AGO1: variants seen among roughly 807,000 people sequenced by gnomAD.
AGO1 encodes the protein argonaute RISC component 1.
A neutral mutation model predicts 109.2 loss-of-function variants in AGO1; 11 were observed. That is an observed-to-expected ratio of 0.10 (90% CI 0.06 to 0.17). The LOEUF (loss-of-function observed/expected upper bound fraction) is 0.17. Ranked by LOEUF, AGO1 falls within the 10% of genes least tolerant of loss-of-function variation. AGO1 has a pLI of 1.00. For missense variants in AGO1, 574 were observed against 1,140.3 expected, an observed-to-expected ratio of 0.50 and a Z score of 7.15; for synonymous variants, 422 against 418.6, an observed-to-expected ratio of 1.01 and a Z score of -0.10.
At chr1:35,871,904 C>T (rs2148702287) in intron 1 of AGO1, among the ~76,000 whole-genome samples, 1 of 151,538 alleles carries the variant, frequency 6.6e-6, no homozygotes, top group Non-Finnish European at 1.5e-5. Flanking sequence ...CCCATCTCTA[C>T]TAAAAATACA....
At chr1:35,898,961 A>T (rs368975205) in intron 8 of AGO1, among the ~76,000 whole-genome samples, 1 of 152,210 alleles carries the variant, frequency 6.6e-6, no homozygotes, top group African/African-American at 2.4e-5. Context: ...CATTAAATAC[A>T]TTCATGCAGT....
Position 35,883,353 on chromosome 1 carries a change from G to C in AGO1, c.-69G>C, listed in dbSNP as rs1571337258. The C allele has an allele frequency of 6.4e-7, 1 of 1,568,382 alleles. No homozygotes were observed. Among genetic ancestry groups the C allele is most frequent in the East Asian group, 2.6e-5 (1 of 38,322 alleles). ...CGGGATCCCGAGCAGCGAGAGTGTG[G>C]GGTACCTAGGCCCCTCACGCTGGAC... On this transcript the variant is annotated 5_prime_UTR_variant, in exon 1 of 19. Coordinates refer to ENST00000373204, the MANE Select transcript of AGO1 (RefSeq NM_012199.5). This position sits in a 1 kb window ranked among gnomAD's most constrained non-coding sequence, Gnocchi z 5.4.
intron 11 of AGO1, among the ~76,000 whole-genome samples, chr1:35,906,637 C>T (rs752800150): frequency 6.6e-6 from 1 of 151,744 alleles, no homozygotes; most frequent in African/African-American, 2.4e-5. Flanking sequence ...AGTGAGATCC[C>T]ATCTCTACCA....
Position 35,888,855 on chromosome 1 carries a change from A to G in AGO1, c.209+245A>G, listed in dbSNP as rs1028480435. On this transcript the variant is annotated intron_variant, in intron 2 of 18. Coordinates refer to ENST00000373204, the MANE Select transcript of AGO1 (RefSeq NM_012199.5). The surrounding 1 kb of genome is among the most constrained non-coding windows in gnomAD (Gnocchi z 4.1). ...TAGTTGAGCTAGTTAATCTAACTACATTGAGTTAAGAAATAAGTACAGTAC... is the reference window on the plus strand; with the variant it reads ...TAGTTGAGCTAGTTAATCTAACTACGTTGAGTTAAGAAATAAGTACAGTAC... Among the ~76,000 whole-genome samples the G allele has an allele frequency of 6.6e-6, 1 of 152,254 alleles. No homozygotes were observed. The highest frequency in any genetic ancestry group is 2.4e-5 in the African/African-American group (1 of 41,468).
intron 11 of AGO1, among the ~76,000 whole-genome samples, chr1:35,902,596 T>G (rs1016204975): frequency 6.6e-6 from 1 of 152,244 alleles, no homozygotes; most frequent in Non-Finnish European, 1.5e-5. Context: ...ATTATTGTTA[T>G]AATTATTATC....
At chr1:35,894,481 T>C in intron 7 of AGO1, 79 bp downstream of exon 7, 8 of 1,289,204 alleles carry the variant, frequency 6.2e-6, no homozygotes, top group Non-Finnish European at 8.6e-6. Context: ...CCTCCCTCCC[T>C]CCCCCACTGG....
intron 1 of AGO1, among the ~76,000 whole-genome samples, chr1:35,873,035 G>C (rs560807399): frequency 6.6e-6 from 1 of 150,500 alleles, no homozygotes; most frequent in South Asian, 2.1e-4. Context: ...TTACAGGATT[G>C]TGCCACCATC....
chr1:35,870,280 G>T (rs1417743053), intron 1 of AGO1, among the ~76,000 whole-genome samples: 41 of 151,262 alleles, frequency 2.7e-4, no homozygotes, highest in Admixed American at 2.7e-3. Context: ...ATTTTTTGTT[G>T]TTGTTTTTTG....
At position 35,930,323 on chromosome 1, in the gene AGO1, A is replaced by G. The variant is rs1646011644; in HGVS notation, c.*10716A>G. 1.3e-5 allele frequency: 2 copies of G among 152,046 alleles called. No individual in the cohort carries two copies. 9.4% of individuals were successfully genotyped at this position (152,046 alleles called of 1,614,324 possible). A position where few individuals can be genotyped will look rare whatever the true frequency, so the allele number is the denominator to read the frequency against. ...GGTAGGGCGTAAGGGGAGGGTGGAG[A>G]AGAGAGAGAGGGTTCCTGGCCAAGG... On this transcript the variant is annotated 3_prime_UTR_variant, in exon 19 of 19. Transcript: ENST00000373204.
rs778036143 is a variant in AGO1 at position 35,888,695 on chromosome 1, AGG to A, written c.209+87_209+88del. 61 of 1,462,404 alleles carry A rather than the reference AGG, an allele frequency of 4.2e-5. No homozygotes were observed. The highest frequency in any genetic ancestry group is 1.8e-5 in the Non-Finnish European group (19 of 1,081,418). 90.6% of individuals were successfully genotyped at this position (1,462,404 alleles called of 1,614,324 possible). A position where few individuals can be genotyped will look rare whatever the true frequency, so the allele number is the denominator to read the frequency against. On this transcript the variant is annotated intron_variant, in intron 2 of 18. Coordinates refer to ENST00000373204, the MANE Select transcript of AGO1 (RefSeq NM_012199.5). This position sits in a 1 kb window ranked among gnomAD's most constrained non-coding sequence, Gnocchi z 4.1. ...AGAAAGGTAAAAGAAAAACCAGTAG[AGG>A]GTAGTATCACCAAATCTAAGGAAGT... is the stretch of plus-strand genomic sequence containing the variant.
At position 35,921,485 on chromosome 1, in the gene AGO1, A is replaced by G. The variant is rs989942450; in HGVS notation, c.*1878A>G. On this transcript the variant is annotated 3_prime_UTR_variant, in exon 19 of 19. Coordinates refer to ENST00000373204, the MANE Select transcript of AGO1 (RefSeq NM_012199.5). Reference sequence around the variant, plus strand: ...TCAGTGTGGAATTTCCTCTTTGAGGAGCCTGGGCTTGGATCTATCCTGATC... The same window carrying G: ...TCAGTGTGGAATTTCCTCTTTGAGGGGCCTGGGCTTGGATCTATCCTGATC... 1.3e-5 allele frequency: 2 copies of G among 152,182 alleles called. No homozygotes were observed. Among genetic ancestry groups the G allele is most frequent in the African/African-American group, 4.9e-5 (2 of 41,230 alleles). 9.4% of individuals were successfully genotyped at this position (152,182 alleles called of 1,614,324 possible).
At chr1:35,900,594 G>GCACATGACTGTAATCCCC (rs1405459205) in intron 8 of AGO1, among the ~76,000 whole-genome samples, 23 of 152,178 alleles carry the variant, frequency 1.5e-4, no homozygotes, top group Non-Finnish European at 2.6e-4. Context: ...GGGCATGGTA[G>GCACATGACTGTAATCCCC]CACATGACTG....
At chr1:35,870,390 T>C (rs1644938880) in intron 1 of AGO1, among the ~76,000 whole-genome samples, 3 of 152,030 alleles carry the variant, frequency 2.0e-5, no homozygotes. Flanking sequence ...TTCACGCCAT[T>C]CTCTTGCCTC....
In AGO1 at chr1:35,919,016, C is replaced by G; in HGVS notation, c.2266-39C>G. On this transcript the variant is annotated intron_variant, in intron 17 of 18. Transcript: ENST00000373204. This position sits in a 1 kb window ranked among gnomAD's most constrained non-coding sequence, Gnocchi z 6.6. ...GTTCCCCTATTATCAGCCATCTTCT[C>G]TGCCCAGCCTGGGACCCCTCACCTT... The G allele has an allele frequency of 6.3e-7, 1 of 1,587,558 alleles. No homozygotes were observed. Among genetic ancestry groups the G allele is most frequent in the Non-Finnish European group, 8.6e-7 (1 of 1,156,584 alleles).
At chr1:35,892,725 A>C in intron 3 of AGO1, 48 bp downstream of exon 3, 7 of 1,612,920 alleles carry the variant, frequency 4.3e-6, no homozygotes, top group Non-Finnish European at 5.9e-6. Context: ...CTGGGGTAGA[A>C]CCAAGCTCAT....
rs150085534 is a variant in AGO1 at position 35,890,410 on chromosome 1, A to T, written c.209+1800A>T. Among the ~76,000 whole-genome samples the T allele has an allele frequency of 6.8e-3, 1,039 of 152,210 alleles. 11 individuals carry two copies. Among genetic ancestry groups the T allele is most frequent in the African/African-American group, 0.024 (989 of 41,530 alleles). On this transcript the variant is annotated intron_variant, in intron 2 of 18. Transcript: ENST00000373204. ...ACATATAACATTTTTAAACACCCAA[A>T]ACATAGGGTTCTTTATACATTGTTC...
chr1:35,877,518 C>T (rs181490358), intron 1 of AGO1, among the ~76,000 whole-genome samples: 3 of 152,186 alleles, frequency 2.0e-5, no homozygotes, highest in East Asian at 3.9e-4. Context: ...GTTCCCATGT[C>T]GCCCATGTGC....
At position 35,893,834 on chromosome 1, in the gene AGO1, CA is replaced by C. The variant is rs537477934; in HGVS notation, c.649+25del. 1.8e-4 allele frequency: 292 copies of C among 1,602,162 alleles called. 1 individual carries two copies. The African/African-American group carries it at 3.2e-3, about 17-fold the overall frequency. On this transcript the variant is annotated intron_variant, in intron 5 of 18. Transcript: ENST00000373204. The surrounding 1 kb of genome is among the most constrained non-coding windows in gnomAD (Gnocchi z 5.6). ...TGGTGAGTGGGGAGAGCTATGGAGC[CA>C]GGGGCACCCCAAGTCCAGTGACCAC...
chr1:35,913,853 C>T lies in AGO1; in HGVS notation c.1594C>T (p.Arg532Cys), dbSNP rs1385910631. 1.2e-6 allele frequency: 2 copies of T among 1,613,728 alleles called. No homozygotes were observed. Among genetic ancestry groups the T allele is most frequent in the Non-Finnish European group, 1.7e-6 (2 of 1,179,928 alleles). The part of the protein sequence containing the change: ...GKTPVYAEVK[R>C]VGDTLLGMAT... ...CTCCCTGCCCTTAGCTGAGGTGAAA[C>T]GTGTCGGAGATACACTCTTGGGAAT... The change falls in exon 13 of 19, where the codon CGT (arginine) becomes TGT (cysteine). Residue 532 changes from arginine (R) to cysteine (C), a missense_variant. Transcript: ENST00000373204.
Sources: gnomAD v4.1 joint callset for allele counts (sites outside exome capture counted in the v4.1 genomes callset) on GRCh38, gnomAD v4.1.1 for gene constraint, Gnocchi (gnomAD v3.1) non-coding constraint, MANE v1.5 for transcripts, NCBI Gene and HGNC (gene_info 2026-07-23, HGNC 2026-07-21) for gene names.